Variants in PCA3 observed in about 807,000 individuals in gnomAD.
The protein encoded by PCA3 is prostate cancer associated 3.
chr9:76,768,526 G>A (rs536897), intron 2 of PCA3, among the ~76,000 whole-genome samples: 70,019 of 151,182 alleles, frequency 0.46, 16,789 homozygotes, highest in East Asian at 0.67. Flanking sequence ...GTCTGCAGCC[G>A]CACCTAGAAC....
At chr9:76,780,994 T>A (rs1302485027) in intron 2 of PCA3, among the ~76,000 whole-genome samples, 1 of 152,154 alleles carries the variant, frequency 6.6e-6, no homozygotes, top group Admixed American at 6.5e-5. Context: ...TCCATGACAT[T>A]TTTTCCTCCC....
chr9:76,782,581 GTTCCATGTAAATAC>G, intron 2 of PCA3: 2 of 152,218 alleles, frequency 1.3e-5, no homozygotes. Context: ...CATATGTTAA[GTTCCATGTAAATAC>G]TTTGCTAATA....
chr9:76,768,583 ATGTGTGTGTGTGTGTGTGTG>A (rs55793596), intron 2 of PCA3, among the ~76,000 whole-genome samples: 1 of 103,244 alleles, frequency 9.7e-6, no homozygotes, highest in African/African-American at 3.3e-5. Flanking sequence ...ATGTATATGT[ATGTGTGTGTGTGTGTGTGTG>A]TGTGTGTGTG....
intron 2 of PCA3, among the ~76,000 whole-genome samples, chr9:76,769,561 G>T (rs1055789352): frequency 1.3e-5 from 2 of 152,190 alleles, no homozygotes; most frequent in South Asian, 4.1e-4. Context: ...AAGTAGCTGG[G>T]ATTACAGGCA....
chr9:76,783,046 C>T (rs2054590201), intron 2 of PCA3, among the ~76,000 whole-genome samples: 1 of 152,236 alleles, frequency 6.6e-6, no homozygotes, highest in Admixed American at 6.5e-5. Flanking sequence ...AAACAGTCCA[C>T]ATAGTAGGTA....
At chr9:76,784,050 C>T (rs925616468) in intron 2 of PCA3, 3 of 152,192 alleles carry the variant, frequency 2.0e-5, no homozygotes, top group African/African-American at 7.2e-5. Context: ...GATTTATCCT[C>T]ACGGAGTCTG....
intron 2 of PCA3, among the ~76,000 whole-genome samples, chr9:76,768,513 T>G (rs2052686203): frequency 6.6e-6 from 1 of 151,870 alleles, no homozygotes; most frequent in Non-Finnish European, 1.5e-5. Flanking sequence ...AACTATCAAG[T>G]CTGTCTGCAG....
intron 2 of PCA3, chr9:76,786,310 A>G (rs1341147525): frequency 6.6e-6 from 1 of 152,214 alleles, no homozygotes; most frequent in Non-Finnish European, 1.5e-5. Flanking sequence ...TGATATCAAC[A>G]TTAGGGATTC....
chr9:76,768,898 C>T (rs79708259), intron 2 of PCA3, among the ~76,000 whole-genome samples: 7,934 of 152,194 alleles, frequency 0.052, 251 homozygotes, highest in East Asian at 0.088. Context: ...ACCAAAAACG[C>T]TGTACTTTAT....
intron 2 of PCA3, chr9:76,779,704 C>G (rs1223730383): frequency 2.0e-5 from 3 of 152,208 alleles, no homozygotes; most frequent in African/African-American, 7.2e-5. Flanking sequence ...TCAGTCCTGA[C>G]TGTGGGCTCA....
chr9:76,783,117 G>T (rs549251342), intron 2 of PCA3, among the ~76,000 whole-genome samples: 1 of 152,090 alleles, frequency 6.6e-6, no homozygotes, highest in South Asian at 2.1e-4. Context: ...AACATCAGTT[G>T]TATCTGACTA....
At chr9:76,765,933 A>G (rs1256932755) in intron 2 of PCA3, among the ~76,000 whole-genome samples, 1 of 152,152 alleles carries the variant, frequency 6.6e-6, no homozygotes, top group African/African-American at 2.4e-5. Flanking sequence ...CTATAATCCC[A>G]GTACTTTGGG....
intron 2 of PCA3, among the ~76,000 whole-genome samples, chr9:76,769,272 A>G (rs764471834): frequency 6.6e-6 from 1 of 152,244 alleles, no homozygotes; most frequent in Non-Finnish European, 1.5e-5. Flanking sequence ...ACAATTTTTT[A>G]CTTCAATACA....
chr9:76,779,970 A>T (rs1026775215), intron 2 of PCA3: 2 of 152,250 alleles, frequency 1.3e-5, no homozygotes, highest in Non-Finnish European at 2.9e-5. Context: ...CAGGGATTCA[A>T]CTAGAAATAT....
chr9:76,784,756 T>G (rs1187287653), intron 2 of PCA3: 1 of 152,246 alleles, frequency 6.6e-6, no homozygotes, highest in Non-Finnish European at 1.5e-5. Flanking sequence ...TCAAGATCTT[T>G]CCAGGGTTAT....
intron 2 of PCA3, among the ~76,000 whole-genome samples, chr9:76,771,369 G>T (rs973676489): frequency 2.0e-5 from 3 of 152,158 alleles, no homozygotes; most frequent in South Asian, 2.1e-4. Flanking sequence ...CTCAAAAGCT[G>T]TCAAATATGA....
At chr9:76,774,363 C>T (rs2053455283) in intron 2 of PCA3, among the ~76,000 whole-genome samples, 1 of 151,886 alleles carries the variant, frequency 6.6e-6, no homozygotes, top group Admixed American at 6.6e-5. Context: ...GTCTTGAACT[C>T]CTGAGCTCAA....
Position 76,772,546 on chromosome 9 carries a change from T to C in PCA3, n.852+35931T>C, listed in dbSNP as rs2053228641. 2.0e-5 allele frequency among the ~76,000 whole-genome samples: 3 copies of C among 152,282 alleles called. No individual in the cohort carries two copies. The South Asian group carries it at 6.2e-4, about 32-fold the overall frequency. ...TCCCATGGACAAGGTTAACTGCAAC[T>C]TGTGAACATGGTAAATTATTTTCTT... On this transcript the variant is annotated intron_variant and non_coding_transcript_variant, in intron 2 of 5. Transcript: ENST00000644657.
intron 2 of PCA3, among the ~76,000 whole-genome samples, chr9:76,774,806 T>C (rs1169837208): frequency 1.3e-5 from 2 of 152,134 alleles, no homozygotes; most frequent in African/African-American, 2.4e-5. Flanking sequence ...AAGTTAAATA[T>C]GGAGGAAACA....
Sources: allele counts gnomAD v4.1 joint callset (sites outside exome capture counted in the v4.1 genomes callset), GRCh38; gene constraint gnomAD v4.1.1; transcripts MANE v1.5; gene names NCBI Gene and HGNC (gene_info 2026-07-23, HGNC 2026-07-21).